HLF: variants seen among roughly 807,000 people sequenced by gnomAD.
The protein encoded by HLF is HLF transcription factor, PAR bZIP family member.
A neutral mutation model predicts 22.6 loss-of-function variants in HLF; 3 were observed. The ratio of observed to expected loss-of-function variants is 0.13; its 90% CI spans 0.06 to 0.34. HLF has a LOEUF of 0.34. HLF is among the 10% of genes least tolerant of loss of function. The pLI is 1.00. For synonymous variants in HLF, 151 were observed against 151.8 expected (o/e 0.99, Z 0.04); for missense variants, 299 against 389.2 (o/e 0.77, Z 1.95).
rs769057460 is a variant in HLF at position 55,268,049 on chromosome 17, C to T, written c.414C>T (p.Ile138=). 1 of 1,597,050 alleles carries T rather than the reference C, an allele frequency of 6.3e-7. No individual in the cohort carries two copies. The highest frequency in any genetic ancestry group is 8.5e-7 in the Non-Finnish European group (1 of 1,171,750). ...SRASAPLHPG[I]PSPNCMQSPI... is the part of the protein sequence containing the mutation. ...CCTCTGCACCCCTTCACCCTGGCAT[C>T]CCATCTCCGAACTGTATGCAGAGCC... The change falls in exon 2 of 4, where the codon ATC becomes ATT. Residue 138 remains isoleucine, a synonymous_variant. Coordinates refer to ENST00000226067, the MANE Select transcript of HLF (RefSeq NM_002126.5).
rs1471611901 is a variant in HLF at position 55,321,513 on chromosome 17, C to T, written c.*634C>T. The T allele has an allele frequency of 8.7e-6, 2 of 229,084 alleles. No homozygotes were observed. The highest frequency in any genetic ancestry group is 1.7e-5 in the Non-Finnish European group (2 of 115,328). 14.2% of individuals were successfully genotyped at this position (229,084 alleles called of 1,614,324 possible). ...TCCCATATTTACTTACTGCTATCTA[C>T]TAAGTTTCCTTTTAATTCTACCAAC... On this transcript the variant is annotated 3_prime_UTR_variant, in exon 4 of 4. Transcript: ENST00000226067.
intron 2 of HLF, among the ~76,000 whole-genome samples, chr17:55,287,522 C>A (rs1356424382): frequency 6.6e-5 from 10 of 152,200 alleles, no homozygotes; most frequent in Admixed American, 2.0e-4. Flanking sequence ...AATGTAATTT[C>A]ATTTTATAAT....
rs575314323 is a variant in HLF, at chr17:55,274,621, G to A, written c.451+6535G>A. ...CAGAATTGAATAAACAAAACAGCCT[G>A]AGTGTGAATCCTGACTTTGCCACTC... On this transcript the variant is annotated intron_variant, in intron 2 of 3. Coordinates refer to ENST00000226067, the MANE Select transcript of HLF (RefSeq NM_002126.5). 2.6e-5 allele frequency among the ~76,000 whole-genome samples: 4 copies of A among 152,328 alleles called. No homozygotes were observed. The South Asian group carries it at 6.2e-4, about 24-fold the overall frequency.
rs1288083415 is a variant in HLF, at chr17:55,294,757, CT to C, written c.452-20468del. Among the ~76,000 whole-genome samples the C allele has an allele frequency of 5.3e-5, 8 of 152,320 alleles. 1 individual carries two copies. The highest frequency in any genetic ancestry group is 2.0e-4 in the Admixed American group (3 of 15,300). On this transcript the variant is annotated intron_variant, in intron 2 of 3. Coordinates refer to ENST00000226067, the MANE Select transcript of HLF (RefSeq NM_002126.5). ...ATGGAGAAGGCTCCCTTTCCATGCACTTCCTGGATCTGAAAAACAAGAACAA... is the reference window on the plus strand; with the variant it reads ...ATGGAGAAGGCTCCCTTTCCATGCACTCCTGGATCTGAAAAACAAGAACAA...
chr17:55,284,948 A>AT (rs1477188426), intron 2 of HLF, among the ~76,000 whole-genome samples: 1 of 152,184 alleles, frequency 6.6e-6, no homozygotes, highest in Non-Finnish European at 1.5e-5. Context: ...ATATATATAG[A>AT]TTGAGACCCT....
intron 2 of HLF, among the ~76,000 whole-genome samples, chr17:55,275,541 G>C (rs1052482733): frequency 7.2e-5 from 11 of 152,192 alleles, no homozygotes; most frequent in African/African-American, 2.7e-4. Flanking sequence ...AACCATAAAG[G>C]TATGTTATGG....
intron 2 of HLF, among the ~76,000 whole-genome samples, chr17:55,301,870 G>A (rs547965505): frequency 2.7e-4 from 41 of 152,232 alleles, no homozygotes; most frequent in Non-Finnish European, 5.4e-4. Context: ...CACCTGTCTT[G>A]TGACAGGGAT....
intron 2 of HLF, among the ~76,000 whole-genome samples, chr17:55,282,026 T>A (rs2080959700): frequency 6.6e-6 from 1 of 152,216 alleles, no homozygotes; most frequent in South Asian, 2.1e-4. Flanking sequence ...AGGAAACTTT[T>A]GAGCAAGTCA....
At chr17:55,271,544 T>C (rs2145298076) in intron 2 of HLF, 1 of 152,306 alleles carries the variant, frequency 6.6e-6, no homozygotes. Flanking sequence ...GTTTATTTAT[T>C]TTTGAGATGG....
intron 2 of HLF, among the ~76,000 whole-genome samples, chr17:55,310,356 A>G (rs574448695): frequency 6.6e-6 from 1 of 152,368 alleles, no homozygotes; most frequent in Non-Finnish European, 1.5e-5. Context: ...TACAGGAGAA[A>G]AAATGGCATG....
At chr17:55,291,234 A>G (rs1049831610) in intron 2 of HLF, among the ~76,000 whole-genome samples, 4 of 152,252 alleles carry the variant, frequency 2.6e-5, no homozygotes, top group Non-Finnish European at 5.9e-5. Context: ...AATATAGACT[A>G]CACAGCCTTA....
Position 55,265,363 on chromosome 17 carries a change from T to A in HLF, c.-122T>A, listed in dbSNP as rs1020787156. The A allele has an allele frequency of 3.2e-6, 2 of 628,126 alleles. No homozygotes were observed. Among genetic ancestry groups the A allele is most frequent in the African/African-American group, 3.8e-5 (2 of 52,814 alleles). 38.9% of individuals were successfully genotyped at this position (628,126 alleles called of 1,614,324 possible). A position where few individuals can be genotyped will look rare whatever the true frequency, so the allele number is the denominator to read the frequency against. ...TAAGTAATTTTTTTCTTCCCTTTTC[T>A]CCACCGCCTTGAGAGCGAGTACTTT... is the stretch of plus-strand genomic sequence containing the variant. On this transcript the variant is annotated 5_prime_UTR_variant, in exon 1 of 4. Transcript: ENST00000226067.
At chr17:55,277,301 G>A (rs1344075151) in intron 2 of HLF, among the ~76,000 whole-genome samples, 6 of 141,456 alleles carry the variant, frequency 4.2e-5, no homozygotes, top group African/African-American at 5.3e-5. Flanking sequence ...GTGGGCATGC[G>A]TGCATTTGGG....
chr17:55,280,314 C>G (rs2080942274), intron 2 of HLF, among the ~76,000 whole-genome samples: 1 of 152,194 alleles, frequency 6.6e-6, no homozygotes, highest in South Asian at 2.1e-4. Context: ...TGTTTTTACA[C>G]CTGTGAGAAG....
At position 55,265,221 on chromosome 17, in the gene HLF, C is replaced by T. The variant is rs140883235; in HGVS notation, c.-264C>T. On this transcript the variant is annotated 5_prime_UTR_variant, in exon 1 of 4. Coordinates refer to ENST00000226067, the MANE Select transcript of HLF (RefSeq NM_002126.5). ...GGGGTTCGAGGCAGGTGAGAGCATC[C>T]TGCACGTCGCCGGGGAGCCCGCGGG... 0.011 allele frequency: 4,042 copies of T among 363,036 alleles called. 39 individuals are homozygous for T. Among genetic ancestry groups the T allele is most frequent in the Non-Finnish European group, 0.016 (3,195 of 205,476 alleles). 22.5% of individuals were successfully genotyped at this position (363,036 alleles called of 1,614,324 possible).
intron 2 of HLF, among the ~76,000 whole-genome samples, chr17:55,294,071 G>A (rs1452427809): frequency 6.6e-6 from 1 of 152,152 alleles, no homozygotes; most frequent in Non-Finnish European, 1.5e-5. Context: ...TAAAAGAGAA[G>A]CACCATGAAG....
At chr17:55,274,076 A>G (rs1191725812) in intron 2 of HLF, among the ~76,000 whole-genome samples, 9 of 151,516 alleles carry the variant, frequency 5.9e-5, no homozygotes, top group Admixed American at 3.3e-4. Flanking sequence ...AAATAGCAAT[A>G]TAAAGACAGA....
intron 2 of HLF, among the ~76,000 whole-genome samples, chr17:55,310,104 G>A (rs931233531): frequency 3.3e-4 from 50 of 152,178 alleles, no homozygotes; most frequent in Admixed American, 3.2e-3. Flanking sequence ...GCCAACTTTG[G>A]GTTTGAAGGT....
chr17:55,292,996 C>T (rs972198089), intron 2 of HLF, among the ~76,000 whole-genome samples: 1 of 151,990 alleles, frequency 6.6e-6, no homozygotes, highest in Non-Finnish European at 1.5e-5. Flanking sequence ...GGAAGGTTAG[C>T]GGGGGCTGGG....
Sources: allele counts gnomAD v4.1 joint callset (sites outside exome capture counted in the v4.1 genomes callset), GRCh38; gene constraint gnomAD v4.1.1; transcripts MANE v1.5; gene names NCBI Gene and HGNC (gene_info 2026-07-23, HGNC 2026-07-21).